The following ACACA variants were observed in gnomAD, a reference collection of about 807,000 sequenced individuals.
ACACA encodes acetyl-CoA carboxylase alpha.
ACACA carries 103 observed loss-of-function variants against 296.1 expected under a neutral mutation model. The observed-to-expected ratio is 0.35, with a 90% CI of 0.30 to 0.41. The LOEUF (loss-of-function observed/expected upper bound fraction) is 0.41. Ranked by LOEUF, ACACA falls within the 10% of genes least tolerant of loss-of-function variation. The pLI is 1.00. For missense variants in ACACA, 1,554 were observed against 2,989.7 expected (o/e 0.52, Z 11.20); for synonymous variants, 953 against 1,038.6 (o/e 0.92, Z 1.58).
At chr17:37,135,876 T>G (rs1261524057) in intron 45 of ACACA, among the ~76,000 whole-genome samples, 1 of 152,054 alleles carries the variant, frequency 6.6e-6, no homozygotes, top group Non-Finnish European at 1.5e-5. Flanking sequence ...AGGTAGGGAC[T>G]TGAGATTTCT....
At chr17:37,305,074 T>C (rs995179771) in intron 3 of ACACA, among the ~76,000 whole-genome samples, 80 of 152,304 alleles carry the variant, frequency 5.3e-4, no homozygotes, top group African/African-American at 1.9e-3. Context: ...AGATAATTTC[T>C]GTTGACTTTT....
At chr17:37,313,736 T>A (rs1210707082) in intron 3 of ACACA, among the ~76,000 whole-genome samples, 2 of 152,218 alleles carry the variant, frequency 1.3e-5, no homozygotes, top group East Asian at 3.9e-4. Context: ...GATGGCTGTA[T>A]AAATTAAAAC....
intron 3 of ACACA, among the ~76,000 whole-genome samples, chr17:37,309,467 C>T (rs1293683174): frequency 6.6e-6 from 1 of 151,864 alleles, no homozygotes; most frequent in African/African-American, 2.4e-5. Flanking sequence ...AAAAACATTA[C>T]AAATTGTGAT....
intron 3 of ACACA, among the ~76,000 whole-genome samples, chr17:37,310,541 C>T (rs1034597372): frequency 6.6e-6 from 1 of 151,850 alleles, no homozygotes; most frequent in African/African-American, 2.4e-5. Context: ...CACCTGTAAT[C>T]CCAGCACTTT....
At chr17:37,313,308 A>G (rs1213163449) in intron 3 of ACACA, among the ~76,000 whole-genome samples, 1 of 149,222 alleles carries the variant, frequency 6.7e-6, no homozygotes, top group African/African-American at 2.4e-5. Context: ...GTTGAAGGGA[A>G]AAAAAAAAAG....
chr17:37,253,323 CG>C (rs1326721670), intron 14 of ACACA, among the ~76,000 whole-genome samples: 1 of 151,990 alleles, frequency 6.6e-6, no homozygotes, highest in African/African-American at 2.4e-5. Context: ...ACCCGGGAGG[CG>C]GAGCTTGCAG....
intron 3 of ACACA, among the ~76,000 whole-genome samples, chr17:37,306,302 AT>A: frequency 6.6e-6 from 1 of 152,102 alleles, no homozygotes; most frequent in Non-Finnish European, 1.5e-5. Flanking sequence ...AAGTTTGTCA[AT>A]CTTCATAATT....
intron 33 of ACACA, among the ~76,000 whole-genome samples, chr17:37,205,354 G>A (rs574082639): frequency 2.0e-5 from 3 of 152,236 alleles, no homozygotes; most frequent in Non-Finnish European, 4.4e-5. Context: ...TCCAAGTGAC[G>A]TAAAATTGAA....
At chr17:37,280,730 A>ACACAC (rs1555627667) in intron 5 of ACACA, among the ~76,000 whole-genome samples, 5 of 146,374 alleles carry the variant, frequency 3.4e-5, no homozygotes, top group Admixed American at 2.1e-4. Flanking sequence ...TTACATAGTT[A>ACACAC]ACACACACAC....
chr17:37,260,503 C>A (rs1393903744), intron 11 of ACACA, among the ~76,000 whole-genome samples: 2 of 150,912 alleles, frequency 1.3e-5, no homozygotes, highest in Admixed American at 1.3e-4. Flanking sequence ...GGGTTTTCAT[C>A]ATGTTGGCCA....
chr17:37,134,534 A>G (rs1400383876), intron 45 of ACACA, among the ~76,000 whole-genome samples: 1 of 152,188 alleles, frequency 6.6e-6, no homozygotes, highest in Non-Finnish European at 1.5e-5. Context: ...GGACCCTTAG[A>G]CTTATAGGCA....
rs749314532 is a variant in ACACA, at chr17:37,113,159, A to T, written c.6381T>A (p.Gly2127=). The T allele has an allele frequency of 2.5e-6, 4 of 1,614,016 alleles. No individual in the cohort carries two copies. In the African/African-American group the frequency reaches 4.0e-5, roughly 16 times the overall value. ...AGGAGTCAATCACCACCCAGGAGCCACCCCGCAGCTCAGCCTGGGGAGGAA... is the reference window on the plus strand; with the variant it reads ...AGGAGTCAATCACCACCCAGGAGCCTCCCCGCAGCTCAGCCTGGGGAGGAA... ...VYIPPQAELR[G]GSWVVIDSSI... Residue 2127 remains glycine (G), a synonymous_variant, in exon 51 of 56, where the codon GGT becomes GGA. Transcript: ENST00000616317. The surrounding 1 kb of genome is among the most constrained non-coding windows in gnomAD (Gnocchi z 4.0).
intron 1 of ACACA, among the ~76,000 whole-genome samples, chr17:37,398,785 T>G (rs1276584992): frequency 7.3e-6 from 1 of 137,872 alleles, no homozygotes; most frequent in Non-Finnish European, 1.5e-5. Context: ...GGTTTCACCA[T>G]GTTGGCTAGG....
At chr17:37,258,410 G>A in intron 12 of ACACA, 37 bp from the exon 13 acceptor site, 2 of 1,603,458 alleles carry the variant, frequency 1.2e-6, no homozygotes, top group Non-Finnish European at 8.5e-7. Context: ...TAATTTTTCA[G>A]TTACTTCCCT....
chr17:37,384,036 C>A (rs909167093), intron 1 of ACACA, among the ~76,000 whole-genome samples: 5 of 152,084 alleles, frequency 3.3e-5, no homozygotes, highest in Admixed American at 6.6e-5. Context: ...GAGCCCGAGG[C>A]GGGCAGAACA....
intron 48 of ACACA, 123 bp downstream of exon 48, chr17:37,125,575 C>A (rs1372543061): frequency 6.0e-6 from 6 of 994,378 alleles, no homozygotes; most frequent in Non-Finnish European, 9.3e-6. Context: ...TGGCTATAAT[C>A]CAATATTCTC....
intron 1 of ACACA, among the ~76,000 whole-genome samples, chr17:37,384,775 G>A (rs886553745): frequency 1.3e-5 from 2 of 152,140 alleles, no homozygotes; most frequent in Non-Finnish European, 2.9e-5. Flanking sequence ...AACTGGAATC[G>A]GGGATCACCT....
intron 15 of ACACA, among the ~76,000 whole-genome samples, chr17:37,252,317 C>T (rs2081032407): frequency 6.6e-6 from 1 of 152,162 alleles, no homozygotes; most frequent in African/African-American, 2.4e-5. Flanking sequence ...TGAAAAACAA[C>T]TTTCTTCTTT....
chr17:37,376,446 T>C (rs2050006028), intron 1 of ACACA, among the ~76,000 whole-genome samples: 1 of 152,210 alleles, frequency 6.6e-6, no homozygotes, highest in South Asian at 2.1e-4. Flanking sequence ...AGAGTTTCAG[T>C]ATTGTCATCA....
Sources: gnomAD v4.1 joint callset for allele counts (sites outside exome capture counted in the v4.1 genomes callset) on GRCh38, gnomAD v4.1.1 for gene constraint, Gnocchi (gnomAD v3.1) non-coding constraint, MANE v1.5 for transcripts, NCBI Gene and HGNC (gene_info 2026-07-23, HGNC 2026-07-21) for gene names.